Variants in CROCC2 observed in about 807,000 individuals in gnomAD.
The protein encoded by CROCC2 is ciliary rootlet coiled-coil, rootletin family member 2.
Under a neutral mutation model 177.6 loss-of-function variants are expected in CROCC2, and 163 were observed. The observed-to-expected ratio is 0.92, with a 90% CI of 0.81 to 1.05. CROCC2 has a LOEUF of 1.05. Among genes scored for constraint, CROCC2 ranks in the 50% least tolerant of loss-of-function variants. CROCC2 has a pLI of 0.00. For synonymous variants in CROCC2, 904 were observed against 787.3 expected, an observed-to-expected ratio of 1.15 and a Z score of -2.48; for missense variants, 1,929 against 1,797.8, an observed-to-expected ratio of 1.07 and a Z score of -1.32.
At position 240,935,599 on chromosome 2, in the gene CROCC2, C is replaced by T; in HGVS notation, c.2169+11C>T. 7.2e-7 allele frequency: 1 copy of T among 1,386,064 alleles called. No individual in the cohort carries two copies. Among genetic ancestry groups the T allele is most frequent in the South Asian group, 1.6e-5 (1 of 61,478 alleles). The allele number at this position is 1,386,064 out of a possible 1,614,324, so 85.9% of individuals were successfully genotyped here. On this transcript the variant is annotated intron_variant, in intron 14 of 31. Coordinates refer to ENST00000690015, the MANE Select transcript of CROCC2 (RefSeq NM_001351305.2). ...GAGCAGGTGGGCCAGGTGAGGACGT[C>T]TGCAGGGCATGCTGCCGCCGTCTGG...
chr2:240,966,494 G>A lies in CROCC2; in HGVS notation c.4146+85G>A, dbSNP rs556237880. The A allele has an allele frequency of 4.0e-5, 16 of 398,498 alleles. No individual in the cohort carries two copies. The South Asian group carries it at 1.0e-3, about 26-fold the overall frequency. 24.7% of individuals were successfully genotyped at this position (398,498 alleles called of 1,614,324 possible). A position where few individuals can be genotyped will look rare whatever the true frequency, so the allele number is the denominator to read the frequency against. On this transcript the variant is annotated intron_variant, in intron 25 of 31. Transcript: ENST00000690015. ...ACACCTGCTGTCCATCCATCCGCGC[G>A]TCCCTGGGTCTGAGGGTCAGTGTCC...
intron 5 of CROCC2, among the ~76,000 whole-genome samples, chr2:240,926,734 C>A (rs2059397579): frequency 6.6e-6 from 1 of 152,260 alleles, no homozygotes; most frequent in African/African-American, 2.4e-5. Flanking sequence ...CAGCCCCGAG[C>A]CCCCCACAGC....
Position 240,964,570 on chromosome 2 carries a change from A to G in CROCC2, c.3410A>G (p.Glu1137Gly), listed in dbSNP as rs1435467242. ...AGTGCACTGCGGGCCCACCTGTGGG[A>G]GCTGGAGCAGGCAGGGGGGGACGCC... ...EASALRAHLW[E>G]LEQAGGDARQ... Residue 1137 changes from glutamate to glycine, a missense_variant, in exon 22 of 32, where the codon GAG becomes GGG. Physicochemically the swap from Glu to Gly is moderately conservative, Grantham distance 98 (BLOSUM62 -2). Coordinates refer to ENST00000690015, the MANE Select transcript of CROCC2 (RefSeq NM_001351305.2). The G allele has an allele frequency of 6.5e-7, 1 of 1,549,646 alleles. No individual in the cohort carries two copies. Among genetic ancestry groups the G allele is most frequent in the South Asian group, 1.2e-5 (1 of 84,014 alleles).
chr2:240,932,475 T>C (rs778527707), intron 8 of CROCC2, 61 bp downstream of exon 8: 1 of 713,928 alleles, frequency 1.4e-6, no homozygotes. Context: ...CTCAGGAGTC[T>C]CCCCTGCCAC....
chr2:240,907,154 G>A (rs1308146742), intron 1 of CROCC2, among the ~76,000 whole-genome samples: 1 of 152,198 alleles, frequency 6.6e-6, no homozygotes, highest in Non-Finnish European at 1.5e-5. Context: ...GCCTCTCGGG[G>A]GACAGTGTTT....
Position 240,958,689 on chromosome 2 carries a change from GC to G in CROCC2, c.2944-609del. 1 of 710,792 alleles carries G rather than the reference GC, an allele frequency of 1.4e-6. No individual in the cohort carries two copies. Among genetic ancestry groups the G allele is most frequent in the Non-Finnish European group, 1.7e-6 (1 of 578,696 alleles). The allele number at this position is 710,792 out of a possible 1,614,324, so 44.0% of individuals were successfully genotyped here. ...GACCCTTCATGTTGAGGACACTGAGGCCCAGGAAGCTGAGACCCCCTGAGCC... is the reference window on the plus strand; with the variant it reads ...GACCCTTCATGTTGAGGACACTGAGGCCAGGAAGCTGAGACCCCCTGAGCC... On this transcript the variant is annotated intron_variant, in intron 19 of 31. Transcript: ENST00000690015. This position sits in a 1 kb window ranked among gnomAD's most constrained non-coding sequence, Gnocchi z 6.7.
chr2:240,954,132 G>A (rs966611125), intron 18 of CROCC2, among the ~76,000 whole-genome samples: 1 of 152,162 alleles, frequency 6.6e-6, no homozygotes, highest in Non-Finnish European at 1.5e-5. Flanking sequence ...TTTTAAAATT[G>A]TTTAGAATAT....
chr2:240,920,685 G>A (rs994334057), intron 3 of CROCC2, among the ~76,000 whole-genome samples: 1 of 152,274 alleles, frequency 6.6e-6, no homozygotes, highest in African/African-American at 2.4e-5. Flanking sequence ...TGTATCTTTG[G>A]TCCCCTGGTG....
rs1289809879 is a variant in CROCC2, at chr2:240,946,176, G to A, written c.2286G>A (p.Glu762=). The A allele has an allele frequency of 1.3e-6, 2 of 1,548,076 alleles. No homozygotes were observed. Among genetic ancestry groups the A allele is most frequent in the Non-Finnish European group, 8.7e-7 (1 of 1,144,870 alleles). The change falls in exon 15 of 32, where the codon GAG becomes GAA. Residue 762 remains glutamate (E), a synonymous_variant. Transcript: ENST00000690015. ...AAGGAAAGGATGCTCTGTCTGAGGA[G>A]CGGGCCCAGCTGCTGGCCAAGCAGG... ...ALQGKDALSE[E]RAQLLAKQEA...
chr2:240,967,689 G>C (rs2059692367), intron 26 of CROCC2: 2 of 561,628 alleles, frequency 3.6e-6, no homozygotes, highest in Non-Finnish European at 4.5e-6. Flanking sequence ...GACGTCCACA[G>C]GCCCATCAGG....
rs1026197133 is a variant in CROCC2 at position 240,967,346 on chromosome 2, A to T, written c.4148A>T (p.Asp1383Val). The change falls in exon 26 of 32, where the codon GAT becomes GTT. Residue 1383 changes from aspartate to valine, a missense_variant and splice_region_variant. By Grantham distance (152) the Asp-to-Val change is radical. Around this residue, in one of 3 missense-constraint regions of CROCC2, gnomAD observed 388 missense variants for 352.7 expected, o/e 1.10. Coordinates refer to ENST00000690015, the MANE Select transcript of CROCC2 (RefSeq NM_001351305.2). ...GCTGACCTCAGTCCTTCTGCCCAGG[A>T]TGACTCCCGCATCCAGATGGCGACC... ...QKLREAQRER[D>V]DSRIQMATLS... The T allele has an allele frequency of 1.4e-5, 10 of 710,306 alleles. No individual in the cohort carries two copies. The African/African-American group carries it at 1.8e-4, about 12-fold the overall frequency. 44.0% of individuals were successfully genotyped at this position (710,306 alleles called of 1,614,324 possible). A position where few individuals can be genotyped will look rare whatever the true frequency, so the allele number is the denominator to read the frequency against.
In CROCC2 at chr2:240,958,325, C is replaced by A; in HGVS notation, c.2944-976C>A. 4.1e-6 allele frequency: 2 copies of A among 482,962 alleles called. No individual in the cohort carries two copies. Among genetic ancestry groups the A allele is most frequent in the Non-Finnish European group, 5.4e-6 (2 of 370,538 alleles). The allele number at this position is 482,962 out of a possible 1,614,324, so 29.9% of individuals were successfully genotyped here. A position where few individuals can be genotyped will look rare whatever the true frequency, so the allele number is the denominator to read the frequency against. On this transcript the variant is annotated intron_variant, in intron 19 of 31. Transcript: ENST00000690015. This position sits in a 1 kb window ranked among gnomAD's most constrained non-coding sequence, Gnocchi z 6.7. ...TGTTGGGGCATGCTGAGGCACAGAG[C>A]CATGGCCTAGTCACCCAAGATGGCC...
rs967215575 is a variant in CROCC2, at chr2:240,972,901, CA to C, written c.4401+4640del. On this transcript the variant is annotated intron_variant, in intron 27 of 31. Transcript: ENST00000690015. This position sits in a 1 kb window ranked among gnomAD's most constrained non-coding sequence, Gnocchi z 7.1. ...AGTCACCAGAGGCCCCCGCTTTTGA[CA>C]CACAGCAAACCCAGGCAGAGAGCTC... is the stretch of plus-strand genomic sequence containing the variant. Among the ~76,000 whole-genome samples the C allele has an allele frequency of 1.3e-5, 2 of 152,088 alleles. No homozygotes were observed. Among genetic ancestry groups the C allele is most frequent in the African/African-American group, 4.8e-5 (2 of 41,406 alleles).
intron 1 of CROCC2, among the ~76,000 whole-genome samples, chr2:240,910,931 G>A (rs1210205846): frequency 1.3e-5 from 2 of 152,084 alleles, no homozygotes; most frequent in Non-Finnish European, 2.9e-5. Flanking sequence ...AGGAGTTTGA[G>A]ACCAGCCTGG....
At chr2:240,979,938 G>A (rs1313049868) in intron 27 of CROCC2, among the ~76,000 whole-genome samples, 1 of 28,174 alleles carries the variant, frequency 3.5e-5, no homozygotes, top group Admixed American at 3.7e-4. Flanking sequence ...CCGTCTCTGG[G>A]GTAGGAGCCT....
At chr2:240,991,172 C>A (rs1484797435) in intron 30 of CROCC2, 24 bp from the exon 31 acceptor site, 16 of 1,520,086 alleles carry the variant, frequency 1.1e-5, no homozygotes, top group Non-Finnish European at 1.3e-5. Flanking sequence ...GCCCACCTGA[C>A]CTGAGCCACT....
At chr2:240,976,925 T>G (rs1262585787) in intron 27 of CROCC2, among the ~76,000 whole-genome samples, 3 of 26,358 alleles carry the variant, frequency 1.1e-4, no homozygotes, top group African/African-American at 4.9e-4. Context: ...GTCTCTGGGG[T>G]AGGAGCCTCT....
intron 4 of CROCC2, 81 bp downstream of exon 4, chr2:240,922,726 G>T: frequency 4.0e-6 from 2 of 494,852 alleles, no homozygotes; most frequent in Non-Finnish European, 3.6e-6. Context: ...CTGTGCCTTG[G>T]GGCTACTGAC....
chr2:240,991,421 C>A, intron 31 of CROCC2, 143 bp downstream of exon 31: 1 of 685,678 alleles, frequency 1.5e-6, no homozygotes, highest in Non-Finnish European at 2.3e-6. Flanking sequence ...GTGCTCTGCA[C>A]AAGAGGGACA....
Sources: allele counts gnomAD v4.1 joint callset (sites outside exome capture counted in the v4.1 genomes callset), GRCh38; gene constraint gnomAD v4.1.1; regional missense constraint gnomAD v4.1.1; non-coding constraint Gnocchi (gnomAD v3.1); transcripts MANE v1.5; gene names NCBI Gene and HGNC (gene_info 2026-07-23, HGNC 2026-07-21).